Variants in MARCHF1 observed in about 807,000 individuals in gnomAD.
MARCHF1 encodes E3 ubiquitin-protein ligase MARCHF1.
A neutral mutation model predicts 54.2 loss-of-function variants in MARCHF1; 40 were observed. The observed-to-expected ratio is 0.74, with a 90% CI of 0.57 to 0.96. MARCHF1 has a LOEUF of 0.96. Ranked by LOEUF, MARCHF1 falls within the 40% of genes least tolerant of loss-of-function variation. The pLI, the probability that MARCHF1 is intolerant of heterozygous loss-of-function variation, is 0.00. For missense variants in MARCHF1, 586 were observed against 656.5 expected (o/e 0.89, Z 1.17); for synonymous variants, 236 against 236.3 (o/e 1.00, Z 0.01).
chr4:164,018,786 C>T (rs1429475371), intron 2 of MARCHF1, among the ~76,000 whole-genome samples: 1 of 152,126 alleles, frequency 6.6e-6, no homozygotes, highest in Non-Finnish European at 1.5e-5. Flanking sequence ...ATGCAATGGA[C>T]TCATCACAGA....
chr4:163,702,298 C>T (rs909828905), intron 4 of MARCHF1, among the ~76,000 whole-genome samples: 1 of 152,122 alleles, frequency 6.6e-6, no homozygotes, highest in South Asian at 2.1e-4. Context: ...TGGAGGGAGG[C>T]ACTTTTCTAC....
chr4:163,873,822 G>A (rs1560798453), intron 3 of MARCHF1, among the ~76,000 whole-genome samples: 1 of 152,278 alleles, frequency 6.6e-6, no homozygotes, highest in East Asian at 1.9e-4. Flanking sequence ...TTCTTGTGAA[G>A]TTGTAGGCAG....
intron 4 of MARCHF1, among the ~76,000 whole-genome samples, chr4:163,813,449 C>T (rs1185402099): frequency 1.3e-5 from 2 of 152,252 alleles, no homozygotes; most frequent in East Asian, 1.9e-4. Context: ...GGACAATGCA[C>T]AGCATGAATT....
At chr4:164,354,362 C>A (rs1191828237) in intron 1 of MARCHF1, among the ~76,000 whole-genome samples, 1 of 136,768 alleles carries the variant, frequency 7.3e-6, no homozygotes, top group Non-Finnish European at 1.6e-5. Flanking sequence ...CAAAAATCCT[C>A]AATAAAATAC....
chr4:164,023,454 C>T (rs933870488), intron 2 of MARCHF1, among the ~76,000 whole-genome samples: 7 of 152,142 alleles, frequency 4.6e-5, no homozygotes, highest in African/African-American at 1.7e-4. Flanking sequence ...ATAGCCCAAA[C>T]TACAGTGCTA....
At chr4:163,566,435 A>G (rs1739648099) in intron 8 of MARCHF1, among the ~76,000 whole-genome samples, 1 of 152,242 alleles carries the variant, frequency 6.6e-6, no homozygotes, top group Non-Finnish European at 1.5e-5. Context: ...CCACGAGTTC[A>G]GATAGTATGA....
At chr4:163,961,024 GTC>G (rs1157619086) in intron 3 of MARCHF1, among the ~76,000 whole-genome samples, 2 of 151,710 alleles carry the variant, frequency 1.3e-5, no homozygotes, top group Non-Finnish European at 2.9e-5. Flanking sequence ...CTGTCTCTCT[GTC>G]TCTCTTTTTC....
In MARCHF1 at chr4:164,217,148, A is replaced by G. The variant is rs112169408; in HGVS notation, c.-322-105486T>C. Among the ~76,000 whole-genome samples the G allele has an allele frequency of 6.4e-3, 981 of 152,316 alleles. 6 individuals carry two copies. Among genetic ancestry groups the G allele is most frequent in the African/African-American group, 0.022 (926 of 41,574 alleles). ...CAATGATTTTATCCTGCTGTTGAAC[A>G]TGATGCAGCTCTCTTGGACTAAGTG... On this transcript the variant is annotated intron_variant, in intron 1 of 9. Transcript: ENST00000514618.
At chr4:164,266,055 T>C (rs1733602829) in intron 1 of MARCHF1, among the ~76,000 whole-genome samples, 1 of 152,218 alleles carries the variant, frequency 6.6e-6, no homozygotes, top group Non-Finnish European at 1.5e-5. Context: ...GTCAGAATAG[T>C]GCCTGGAATA....
At chr4:163,885,609 T>G (rs1034776456) in intron 3 of MARCHF1, among the ~76,000 whole-genome samples, 1 of 152,130 alleles carries the variant, frequency 6.6e-6, no homozygotes, top group Non-Finnish European at 1.5e-5. Context: ...GCTTTGGGCC[T>G]TGTGATAACT....
chr4:163,557,564 C>T (rs550698261), intron 8 of MARCHF1, among the ~76,000 whole-genome samples: 4 of 151,762 alleles, frequency 2.6e-5, no homozygotes, highest in South Asian at 4.2e-4. Context: ...TAATTTTTCA[C>T]ATTCTAGAAC....
intron 4 of MARCHF1, among the ~76,000 whole-genome samples, chr4:163,780,432 T>G (rs1747430156): frequency 6.6e-6 from 1 of 152,228 alleles, no homozygotes; most frequent in African/African-American, 2.4e-5. Context: ...TCCTTTTTCA[T>G]ATTTTCATTA....
At chr4:163,873,334 A>G (rs1231815305) in intron 3 of MARCHF1, among the ~76,000 whole-genome samples, 3 of 152,186 alleles carry the variant, frequency 2.0e-5, no homozygotes, top group African/African-American at 7.2e-5. Context: ...TAGAAATTGT[A>G]CTGGTTCTCA....
intron 2 of MARCHF1, among the ~76,000 whole-genome samples, chr4:164,065,360 C>T (rs984566029): frequency 6.6e-6 from 1 of 152,144 alleles, no homozygotes; most frequent in East Asian, 1.9e-4. Flanking sequence ...CTAGGCAATA[C>T]CATATGGACA....
intron 1 of MARCHF1, among the ~76,000 whole-genome samples, chr4:164,148,546 G>A (rs778714776): frequency 6.6e-6 from 1 of 151,442 alleles, no homozygotes. Context: ...AAATCTTTAG[G>A]TGAGCACAGT....
At chr4:164,089,749 G>A (rs1382607546) in intron 2 of MARCHF1, among the ~76,000 whole-genome samples, 1 of 151,774 alleles carries the variant, frequency 6.6e-6, no homozygotes, top group Non-Finnish European at 1.5e-5. Context: ...ATTGTGAAAG[G>A]GCTCATCCTC....
chr4:163,727,226 TTG>T (rs917814860), intron 4 of MARCHF1, among the ~76,000 whole-genome samples: 17 of 152,222 alleles, frequency 1.1e-4, no homozygotes, highest in African/African-American at 4.1e-4. Context: ...TTTTATGGTT[TTG>T]TGTTTTACAT....
At chr4:163,691,734 A>G (rs1373682067) in intron 5 of MARCHF1, among the ~76,000 whole-genome samples, 1 of 152,134 alleles carries the variant, frequency 6.6e-6, no homozygotes. Context: ...GGTGAAACAA[A>G]CTTAATTTGA....
intron 5 of MARCHF1, among the ~76,000 whole-genome samples, chr4:163,666,334 T>C (rs892713469): frequency 6.6e-6 from 1 of 152,194 alleles, no homozygotes; most frequent in African/African-American, 2.4e-5. Flanking sequence ...AAACTGATTT[T>C]GAAGGAGTAT....
Sources: gnomAD v4.1 joint callset for allele counts (sites outside exome capture counted in the v4.1 genomes callset) on GRCh38, gnomAD v4.1.1 for gene constraint, MANE v1.5 for transcripts, NCBI Gene and HGNC (gene_info 2026-07-23, HGNC 2026-07-21) for gene names.